Variants in COL22A1 observed in about 807,000 individuals in gnomAD.
COL22A1 encodes the protein collagen type XXII alpha 1 chain, also known as collagen alpha-1(XXII) chain.
A neutral mutation model predicts 248.9 loss-of-function variants in COL22A1; 221 were observed. The observed-to-expected ratio is 0.89, with a 90% confidence interval of 0.80 to 0.99. The LOEUF is 0.99. COL22A1 is among the 50% of genes least tolerant of loss of function. The probability of loss-of-function intolerance (pLI) is 0.00; values close to 1 mark genes in which losing one functional copy is unlikely to be tolerated. For missense variants in COL22A1, 2,240 were observed against 2,179.0 expected, an observed-to-expected ratio of 1.03 and a Z score of -0.56; for synonymous variants, 891 against 793.4, an observed-to-expected ratio of 1.12 and a Z score of -2.07.
intron 50 of COL22A1, among the ~76,000 whole-genome samples, chr8:138,628,760 C>CTTTT (rs56318714): frequency 4.3e-4 from 54 of 124,296 alleles, no homozygotes; most frequent in African/African-American, 1.2e-3. Context: ...AGATCCACAT[C>CTTTT]TTTTTTTTTT....
At chr8:138,715,568 TTAAAAAAAAAAAAA>T in intron 30 of COL22A1, 100 bp downstream of exon 30, 1 of 431,706 alleles carries the variant, frequency 2.3e-6, no homozygotes. Flanking sequence ...GACTCTCATT[TTAAAAAAAAAAAAA>T]AAAAAAAAAA....
chr8:138,849,159 A>G (rs1324299693), intron 3 of COL22A1, among the ~76,000 whole-genome samples: 3 of 152,208 alleles, frequency 2.0e-5, no homozygotes, highest in Non-Finnish European at 4.4e-5. Flanking sequence ...GATCATGTTC[A>G]TAAGGATTAC....
At chr8:138,772,645 A>G (rs1291835919) in intron 16 of COL22A1, among the ~76,000 whole-genome samples, 3 of 152,192 alleles carry the variant, frequency 2.0e-5, no homozygotes, top group African/African-American at 7.2e-5. Flanking sequence ...TAGGTCAGAG[A>G]TTATGCTTGT....
In COL22A1 at chr8:138,722,774, C is replaced by T. The variant is rs558585430; in HGVS notation, c.2248-685G>A. 1.1e-3 allele frequency among the ~76,000 whole-genome samples: 169 copies of T among 149,636 alleles called. 1 individual carries two copies. The South Asian group carries it at 0.035, about 31-fold the overall frequency. ...AGGTTTAACGGACTCCACCTCCAGGCTCCTTCCACTACACCAGAGACACTT... is the reference window on the plus strand; with the variant it reads ...AGGTTTAACGGACTCCACCTCCAGGTTCCTTCCACTACACCAGAGACACTT... On this transcript the variant is annotated intron_variant, in intron 25 of 64. Coordinates refer to ENST00000303045, the MANE Select transcript of COL22A1 (RefSeq NM_152888.3).
intron 7 of COL22A1, among the ~76,000 whole-genome samples, chr8:138,818,353 A>G (rs1818846477): frequency 6.6e-6 from 1 of 152,170 alleles, no homozygotes; most frequent in Non-Finnish European, 1.5e-5. Context: ...CCCACCTATA[A>G]AATGTGAGCA....
In COL22A1 at chr8:138,693,458, G is replaced by A. The variant is rs115751904; in HGVS notation, c.2754+188C>T. Among the ~76,000 whole-genome samples the A allele has an allele frequency of 8.6e-3, 1,307 of 152,292 alleles. 21 individuals are homozygous for A. Among genetic ancestry groups the A allele is most frequent in the African/African-American group, 0.03 (1,255 of 41,562 alleles). On this transcript the variant is annotated intron_variant, in intron 35 of 64. Transcript: ENST00000303045. The stretch of plus-strand genomic sequence containing the variant: ...GGGCATGTGGACAAAGTCAAGAAAT[G>A]CTACGAAGGTGGTGGAGGCCAGAAC...
chr8:138,836,689 C>A (rs1019862820), intron 4 of COL22A1, among the ~76,000 whole-genome samples: 3 of 152,320 alleles, frequency 2.0e-5, no homozygotes, highest in African/African-American at 7.2e-5. Flanking sequence ...ATAATGGGTA[C>A]AATTTGATCA....
intron 61 of COL22A1, among the ~76,000 whole-genome samples, chr8:138,598,426 G>C (rs1817721413): frequency 6.6e-6 from 1 of 152,220 alleles, no homozygotes; most frequent in Non-Finnish European, 1.5e-5. Flanking sequence ...AAGTCTTAAG[G>C]ATTCATTACC....
chr8:138,832,576 G>T (rs987167972), intron 5 of COL22A1, among the ~76,000 whole-genome samples: 3 of 152,058 alleles, frequency 2.0e-5, no homozygotes, highest in African/African-American at 7.2e-5. Context: ...GAAACTCGAG[G>T]CACAAGGGCA....
chr8:138,779,683 GGTAGCCACCA>G, intron 13 of COL22A1, 121 bp from the exon 14 acceptor site: 3 of 673,798 alleles, frequency 4.5e-6, no homozygotes, highest in Non-Finnish European at 5.4e-6. Flanking sequence ...ACAGAAACAA[GGTAGCCACCA>G]GTGAGCAGGG....
chr8:138,603,988 C>T (rs147307040), intron 59 of COL22A1, among the ~76,000 whole-genome samples: 2 of 152,330 alleles, frequency 1.3e-5, no homozygotes, highest in East Asian at 1.9e-4. Flanking sequence ...TCCTGGGCTA[C>T]AGCAGAACAG....
chr8:138,637,063 C>A (rs1821244508), intron 47 of COL22A1, among the ~76,000 whole-genome samples: 1 of 152,004 alleles, frequency 6.6e-6, no homozygotes, highest in South Asian at 2.1e-4. Flanking sequence ...GGGCTCATTT[C>A]TTTGAGAGCC....
chr8:138,786,836 G>A (rs1293359147), intron 12 of COL22A1, among the ~76,000 whole-genome samples: 2 of 152,082 alleles, frequency 1.3e-5, no homozygotes, highest in African/African-American at 2.4e-5. Context: ...CCCAGGAGAC[G>A]AAGGTTGCAG....
At position 138,802,917 on chromosome 8, in the gene COL22A1, A is replaced by T; in HGVS notation, c.1512T>A (p.Ile504=). The T allele has an allele frequency of 6.2e-7, 1 of 1,613,940 alleles. No homozygotes were observed. The highest frequency in any genetic ancestry group is 8.5e-7 in the Non-Finnish European group (1 of 1,179,810). ...LPGPKGDIGA[I]GPVGAPGPKG... ...TAGGTCCAGGAGCGCCAACCGGCCC[A>T]ATGGCTCCTATGTCTCCCTGAGGGG... is the stretch of plus-strand genomic sequence containing the variant. The change falls in exon 11 of 65, where the codon ATT becomes ATA. Residue 504 remains isoleucine, a synonymous_variant. Coordinates refer to ENST00000303045, the MANE Select transcript of COL22A1 (RefSeq NM_152888.3).
chr8:138,665,399 G>T lies in COL22A1; in HGVS notation c.3151-1659C>A, dbSNP rs191119369. Among the ~76,000 whole-genome samples the T allele has an allele frequency of 3.9e-5, 6 of 152,334 alleles. No homozygotes were observed. The East Asian group carries it at 9.6e-4, about 24-fold the overall frequency. ...AAGGGACAGATAGTAAAGTGAAGGG[G>T]TAGAGAAGAAAATGATGTCAAGGAA... On this transcript the variant is annotated intron_variant, in intron 41 of 64. Transcript: ENST00000303045.
chr8:138,836,292 A>C (rs1820424646), intron 4 of COL22A1, among the ~76,000 whole-genome samples: 1 of 152,126 alleles, frequency 6.6e-6, no homozygotes, highest in African/African-American at 2.4e-5. Context: ...AGAAAAGAAA[A>C]GGAAAGGAAA....
chr8:138,877,410 A>C (rs1823803978), intron 3 of COL22A1, among the ~76,000 whole-genome samples: 1 of 152,206 alleles, frequency 6.6e-6, no homozygotes, highest in Non-Finnish European at 1.5e-5. Context: ...TTCCCACATC[A>C]GAGGTAAAGA....
chr8:138,727,286 T>C (rs1830389058), intron 23 of COL22A1, among the ~76,000 whole-genome samples: 1 of 152,048 alleles, frequency 6.6e-6, no homozygotes, highest in Non-Finnish European at 1.5e-5. Context: ...ACCTCCCTTC[T>C]GAGCCATCTC....
chr8:138,725,771 AC>A (rs1830259369), intron 23 of COL22A1, among the ~76,000 whole-genome samples: 1 of 149,718 alleles, frequency 6.7e-6, no homozygotes, highest in Non-Finnish European at 1.5e-5. Flanking sequence ...ACACACACAC[AC>A]ACACACACAC....
Sources: allele counts gnomAD v4.1 joint callset (sites outside exome capture counted in the v4.1 genomes callset), GRCh38; gene constraint gnomAD v4.1.1; transcripts MANE v1.5; gene names NCBI Gene and HGNC (gene_info 2026-07-23, HGNC 2026-07-21).